The following PLS3 variants were observed in gnomAD, a reference collection of about 807,000 sequenced individuals.
PLS3 encodes the protein plastin 3.
PLS3 carries 11 observed loss-of-function variants against 46.5 expected under a neutral mutation model. The ratio of observed to expected loss-of-function variants is 0.24; its 90% CI spans 0.15 to 0.39. PLS3 has a LOEUF of 0.39. Among genes scored for constraint, PLS3 ranks in the 10% least tolerant of loss-of-function variants. PLS3 has a pLI of 1.00. For synonymous variants in PLS3, 167 were observed against 162.2 expected (o/e 1.03, Z -0.22); for missense variants, 308 against 461.8 (o/e 0.67, Z 3.05).
chrX:115,620,576 T>C (rs1041911491), intron 2 of PLS3, among the ~76,000 whole-genome samples: 5 of 110,468 alleles, frequency 4.5e-5, no homozygotes, highest in African/African-American at 1.3e-4. Context: ...CATTGTAAGA[T>C]ATTTAGAAGC....
chrX:115,566,826 G>C (rs781817935), intron 1 of PLS3, among the ~76,000 whole-genome samples: 6 of 110,562 alleles, frequency 5.4e-5, no homozygotes, highest in East Asian at 2.9e-4. Flanking sequence ...TTACAGGCGC[G>C]TACCACCACG....
At chrX:115,587,591 T>C (rs901353723) in intron 1 of PLS3, among the ~76,000 whole-genome samples, 16 of 110,830 alleles carry the variant, frequency 1.4e-4, no homozygotes, top group South Asian at 7.6e-4. Flanking sequence ...AAAAATTAGC[T>C]GGGCGTGGTG....
At chrX:115,611,144 C>T (rs1368265067) in intron 2 of PLS3, among the ~76,000 whole-genome samples, 9 of 112,133 alleles carry the variant, frequency 8.0e-5, no homozygotes, top group African/African-American at 2.9e-4. Context: ...AGACCTGTGT[C>T]GAAAATCCCA....
chrX:115,597,550 A>G (rs2074401423), intron 1 of PLS3, among the ~76,000 whole-genome samples: 1 of 112,236 alleles, frequency 8.9e-6, no homozygotes, highest in Admixed American at 9.4e-5. Context: ...TCATTTCTCA[A>G]TTGATTTGGA....
At chrX:115,607,061 AG>A (rs1260832556) in intron 1 of PLS3, among the ~76,000 whole-genome samples, 1 of 110,539 alleles carries the variant, frequency 9.0e-6, no homozygotes, top group Non-Finnish European at 1.9e-5. Context: ...AAGATCAGCC[AG>A]GGCAAAATGG....
At chrX:115,585,987 A>G (rs868957960) in intron 1 of PLS3, among the ~76,000 whole-genome samples, 1 of 108,205 alleles carries the variant, frequency 9.2e-6, no homozygotes, top group Non-Finnish European at 1.9e-5. Flanking sequence ...CAGAAGAAAA[A>G]TCTAATTTTT....
chrX:115,648,321 C>T, intron 15 of PLS3, among the ~76,000 whole-genome samples: 1 of 111,477 alleles, frequency 9.0e-6, no homozygotes. Context: ...TAAAACTTTA[C>T]AAGGAAAATA....
Position 115,629,018 on chromosome X carries a change from T to G in PLS3, c.238-180T>G, listed in dbSNP as rs782121956. Among the ~76,000 whole-genome samples the G allele has an allele frequency of 3.6e-5, 4 of 111,952 alleles. No individual in the cohort carries two copies. In the East Asian group the frequency reaches 1.1e-3, roughly 31 times the overall value. ...TGCAATTGACATTCTGGTGCTTCAT[T>G]TTCAGAAGGGGTATTGTAGTACTTG... is the stretch of plus-strand genomic sequence containing the variant. On this transcript the variant is annotated intron_variant, in intron 3 of 15. Transcript: ENST00000355899.
intron 1 of PLS3, among the ~76,000 whole-genome samples, chrX:115,583,862 T>C (rs2074292480): frequency 8.9e-6 from 1 of 111,821 alleles, no homozygotes; most frequent in African/African-American, 3.3e-5. Flanking sequence ...TGAGATGTTT[T>C]TCTTTTTTTT....
chrX:115,597,163 A>G (rs985545983), intron 1 of PLS3, among the ~76,000 whole-genome samples: 1 of 110,482 alleles, frequency 9.1e-6, no homozygotes, highest in Non-Finnish European at 1.9e-5. Flanking sequence ...TAATAATAAT[A>G]TAATGTAATA....
Position 115,636,836 on chromosome X carries a change from C to G in PLS3, c.749C>G (p.Ala250Gly). Residue 250 changes from alanine (A) to glycine (G), a missense_variant and splice_region_variant, in exon 8 of 16, where the codon GCC (alanine) becomes GGC (glycine). Physicochemically the swap from Ala to Gly is moderately conservative, Grantham distance 60. Transcript: ENST00000355899. The part of the protein sequence containing the change: ...FADIELSRNE[A>G]LAALLRDGET... ...TGGGATTTTTTTTTTTTTCTTCTAG[C>G]CTTGGCTGCTTTACTCCGAGATGGT... The G allele has an allele frequency of 8.5e-7, 1 of 1,181,969 alleles. No homozygotes were observed. The highest frequency in any genetic ancestry group is 1.1e-6 in the Non-Finnish European group (1 of 881,816).
At chrX:115,588,341 G>A (rs911402118) in intron 1 of PLS3, among the ~76,000 whole-genome samples, 2 of 111,654 alleles carry the variant, frequency 1.8e-5, no homozygotes, top group East Asian at 5.6e-4. Flanking sequence ...TTCATGCACT[G>A]GAACCAAAAC....
At chrX:115,596,347 A>G (rs2074388604) in intron 1 of PLS3, among the ~76,000 whole-genome samples, 2 of 112,124 alleles carry the variant, frequency 1.8e-5, no homozygotes, top group African/African-American at 6.5e-5. Flanking sequence ...TTGAACAAAC[A>G]TTCGGTAGGT....
chrX:115,642,218 T>C (rs1020666341), intron 9 of PLS3, among the ~76,000 whole-genome samples: 25 of 110,203 alleles, frequency 2.3e-4, no homozygotes, highest in Non-Finnish European at 3.2e-4. Context: ...ACCTGTTTTT[T>C]ATTTCAATTT....
chrX:115,647,706 G>T (rs782407183), intron 14 of PLS3, 33 bp downstream of exon 14: 1 of 1,181,512 alleles, frequency 8.5e-7, no homozygotes, highest in Non-Finnish European at 1.1e-6. Context: ...TAAATATTAT[G>T]TTTGCTGGAT....
intron 1 of PLS3, among the ~76,000 whole-genome samples, chrX:115,570,959 G>A (rs189054470): frequency 2.0e-5 from 2 of 98,128 alleles, no homozygotes; most frequent in African/African-American, 3.8e-5. Flanking sequence ...GCAGTGGCGC[G>A]ATCTCAGCTC....
intron 6 of PLS3, 138 bp downstream of exon 6, chrX:115,634,219 T>TCCGG: frequency 2.2e-6 from 1 of 452,226 alleles, no homozygotes; most frequent in Non-Finnish European, 3.9e-6. Context: ...ATCCAGATTA[T>TCCGG]ACAGACAGAA....
At position 115,647,902 on chromosome X, in the gene PLS3, A is replaced by G. The variant is rs782144812; in HGVS notation, c.1645A>G (p.Ile549Val). Reference sequence around the variant, plus strand: ...TCTCCTTTCACACTAGGACAAGACGATCAGCTCCAGTTTGGCAGTTGTGGA... The same window carrying G: ...TCTCCTTTCACACTAGGACAAGACGGTCAGCTCCAGTTTGGCAGTTGTGGA... ...TSIQSFKDKTISSSLAVVDLI... is the reference protein window; with the variant it reads ...TSIQSFKDKTVSSSLAVVDLI... The change falls in exon 15 of 16, where the codon ATC becomes GTC. Residue 549 changes from isoleucine (I) to valine (V), a missense_variant. By Grantham distance (29) the Ile-to-Val change is conservative. This residue lies in a region of PLS3 where 271 missense variants were observed against 435.7 expected (regional missense o/e 0.62). Coordinates refer to ENST00000355899, the MANE Select transcript of PLS3 (RefSeq NM_005032.7). The G allele has an allele frequency of 8.3e-7, 1 of 1,203,561 alleles. No individual in the cohort carries two copies. The highest frequency in any genetic ancestry group is 1.1e-6 in the Non-Finnish European group (1 of 888,179).
Position 115,649,869 on chromosome X carries a change from CTGTTA to C in PLS3, c.*310_*314del. On this transcript the variant is annotated 3_prime_UTR_variant, in exon 16 of 16. Transcript: ENST00000355899. ...CCATTGCTGTATGTTATTTCTTGCTCTGTTATCTTTTGCCCTCTTAGAATGTCCCT... is the reference window on the plus strand; with the variant it reads ...CCATTGCTGTATGTTATTTCTTGCTCTCTTTTGCCCTCTTAGAATGTCCCT... 6.0e-6 allele frequency: 1 copy of C among 166,979 alleles called. No individual in the cohort carries two copies. The allele number at this position is 166,979 out of a possible 1,213,427, so 13.8% of individuals were successfully genotyped here.
Sources: gnomAD v4.1 joint callset for allele counts (sites outside exome capture counted in the v4.1 genomes callset) on GRCh38, gnomAD v4.1.1 for gene constraint, gnomAD v4.1.1 regional missense constraint, MANE v1.5 for transcripts, NCBI Gene and HGNC (gene_info 2026-07-23, HGNC 2026-07-21) for gene names.